The following PPP1R12B variants were observed in gnomAD, a reference collection of about 807,000 sequenced individuals.
PPP1R12B encodes the protein myosin phosphatase target subunit 2.
In PPP1R12B, 76 loss-of-function variants were observed where a neutral mutation model predicts 126.1. That is an observed-to-expected ratio of 0.60 (90% confidence interval 0.50 to 0.73). The LOEUF (loss-of-function observed/expected upper bound fraction) is 0.73, where lower values mean the gene tolerates loss of function less well. PPP1R12B is among the 30% of genes least tolerant of loss of function. The probability of loss-of-function intolerance (pLI) is 0.00; values close to 1 mark genes in which losing one functional copy is unlikely to be tolerated. For synonymous variants in PPP1R12B, 356 were observed against 434.7 expected (o/e 0.82, Z 2.25); for missense variants, 1,052 against 1,205.1 (o/e 0.87, Z 1.88).
intron 8 of PPP1R12B, 141 bp downstream of exon 8, chr1:202,431,760 C>T (rs1670215289): frequency 4.0e-6 from 3 of 743,434 alleles, no homozygotes; most frequent in Non-Finnish European, 4.4e-6. Flanking sequence ...ATCAAATTGC[C>T]AGTGACCACC....
intron 10 of PPP1R12B, chr1:202,439,024 C>G: frequency 7.2e-7 from 1 of 1,383,512 alleles, no homozygotes; most frequent in Non-Finnish European, 1.0e-6. Context: ...GCAGTGCCCA[C>G]TACCAGTGGG....
At chr1:202,486,675 C>T (rs1290205527) in intron 13 of PPP1R12B, among the ~76,000 whole-genome samples, 3 of 152,154 alleles carry the variant, frequency 2.0e-5, no homozygotes, top group East Asian at 3.9e-4. Context: ...GGCGTAGTGG[C>T]GTGCACCTGT....
At chr1:202,356,195 A>C (rs759057195) in intron 1 of PPP1R12B, among the ~76,000 whole-genome samples, 8 of 152,110 alleles carry the variant, frequency 5.3e-5, no homozygotes, top group Non-Finnish European at 1.2e-4. Context: ...CAAATAAATA[A>C]GTAAGTAAGT....
chr1:202,543,801 G>A (rs988344510), intron 18 of PPP1R12B, among the ~76,000 whole-genome samples: 11 of 152,028 alleles, frequency 7.2e-5, no homozygotes, highest in African/African-American at 2.7e-4. Flanking sequence ...CCATCCTTTT[G>A]GCATGCCCTC....
At chr1:202,407,029 CT>C (rs1268788621) in intron 1 of PPP1R12B, among the ~76,000 whole-genome samples, 1 of 152,134 alleles carries the variant, frequency 6.6e-6, no homozygotes, top group African/African-American at 2.4e-5. Flanking sequence ...GACTCATGAG[CT>C]TTGAGAAAAT....
intron 13 of PPP1R12B, among the ~76,000 whole-genome samples, chr1:202,449,593 A>G (rs1352202798): frequency 6.6e-6 from 1 of 150,826 alleles, no homozygotes; most frequent in Non-Finnish European, 1.5e-5. Context: ...ATATCTTTAT[A>G]TTATTGTTCT....
chr1:202,353,659 G>T (rs543563529), intron 1 of PPP1R12B, among the ~76,000 whole-genome samples: 1 of 147,332 alleles, frequency 6.8e-6, no homozygotes, highest in African/African-American at 2.5e-5. Flanking sequence ...ACCCAGACTG[G>T]AGTGTGGTGG....
intron 6 of PPP1R12B, among the ~76,000 whole-genome samples, chr1:202,430,198 C>T (rs540731450): frequency 6.6e-6 from 1 of 152,122 alleles, no homozygotes; most frequent in East Asian, 1.9e-4. Context: ...GGTTTTTGAA[C>T]ATCAATAGTA....
chr1:202,353,399 G>A (rs900939227), intron 1 of PPP1R12B, among the ~76,000 whole-genome samples: 2 of 151,962 alleles, frequency 1.3e-5, no homozygotes, highest in Non-Finnish European at 2.9e-5. Context: ...ATCTAGAATA[G>A]TCATCTATCC....
At chr1:202,519,287 CGGGG>C in intron 18 of PPP1R12B, among the ~76,000 whole-genome samples, 1 of 151,752 alleles carries the variant, frequency 6.6e-6, no homozygotes, top group East Asian at 1.9e-4. Flanking sequence ...TCTTTTGAGA[CGGGG>C]TCTCACTCTG....
intron 18 of PPP1R12B, among the ~76,000 whole-genome samples, chr1:202,552,774 T>C (rs192886294): frequency 6.6e-6 from 1 of 152,316 alleles, no homozygotes; most frequent in East Asian, 1.9e-4. Context: ...CAAAAGGAAC[T>C]TGAGTTAAAC....
At chr1:202,368,654 T>C (rs1659705149) in intron 1 of PPP1R12B, among the ~76,000 whole-genome samples, 1 of 152,112 alleles carries the variant, frequency 6.6e-6, no homozygotes, top group Non-Finnish European at 1.5e-5. Flanking sequence ...GGCTGTATTT[T>C]TCTTTTTTTT....
intron 1 of PPP1R12B, among the ~76,000 whole-genome samples, chr1:202,416,394 C>G (rs999423746): frequency 6.6e-6 from 1 of 151,896 alleles, no homozygotes; most frequent in Admixed American, 6.6e-5. Flanking sequence ...GGTGTGGTGG[C>G]ACATTCCTGT....
chr1:202,354,895 A>ATG, intron 1 of PPP1R12B, among the ~76,000 whole-genome samples: 1 of 145,534 alleles, frequency 6.9e-6, no homozygotes. Flanking sequence ...GTGTGATCTC[A>ATG]GCTCACTGCA....
chr1:202,505,782 C>G (rs149050027), intron 18 of PPP1R12B, among the ~76,000 whole-genome samples: 80 of 151,944 alleles, frequency 5.3e-4, no homozygotes, highest in African/African-American at 1.9e-3. Context: ...TTTAAGCAAG[C>G]CTCTGTTGCT....
rs1477505020 is a variant in PPP1R12B at position 202,377,845 on chromosome 1, T to G, written c.291+28703T>G. ...TCAAAGACAGGTGTTTTTTTTTTTT[T>G]TTTTTTTTTTTTTTGAGACGGAGTC... On this transcript the variant is annotated intron_variant, in intron 1 of 23. Coordinates refer to ENST00000608999, the MANE Select transcript of PPP1R12B (RefSeq NM_002481.4). Among the ~76,000 whole-genome samples, 4 of 139,480 alleles carry G rather than the reference T, an allele frequency of 2.9e-5. No individual in the cohort carries two copies. The East Asian group carries it at 8.2e-4, about 28-fold the overall frequency. The allele number at this position is 139,480 out of a possible 152,430, so 91.5% of individuals were successfully genotyped here.
In PPP1R12B at chr1:202,589,540, C is replaced by T. The variant is rs1690026612; in HGVS notation, c.*8980C>T. On this transcript the variant is annotated 3_prime_UTR_variant, in exon 24 of 24. Transcript: ENST00000608999. ...ACCGATGCAAAGGGTTCCTAGACTGCAAATGTCATTTCTCTTTCTGACCCC... is the reference window on the plus strand; with the variant it reads ...ACCGATGCAAAGGGTTCCTAGACTGTAAATGTCATTTCTCTTTCTGACCCC... The T allele has an allele frequency of 1.3e-5, 2 of 152,358 alleles. No individual in the cohort carries two copies. The highest frequency in any genetic ancestry group is 6.5e-5 in the Admixed American group (1 of 15,302). The allele number at this position is 152,358 out of a possible 1,614,324, so 9.4% of individuals were successfully genotyped here. A position where few individuals can be genotyped will look rare whatever the true frequency, so the allele number is the denominator to read the frequency against.
intron 19 of PPP1R12B, among the ~76,000 whole-genome samples, chr1:202,559,872 G>A (rs184535020): frequency 2.1e-3 from 313 of 152,192 alleles, no homozygotes; most frequent in Non-Finnish European, 3.3e-3. Context: ...GAACTCTCTC[G>A]TATTATAATA....
At chr1:202,387,320 A>T (rs1663316046) in intron 1 of PPP1R12B, among the ~76,000 whole-genome samples, 1 of 152,204 alleles carries the variant, frequency 6.6e-6, no homozygotes, top group Admixed American at 6.5e-5. Flanking sequence ...GGTTTCATTG[A>T]GTTCTAAAAT....
Sources: allele counts gnomAD v4.1 joint callset (sites outside exome capture counted in the v4.1 genomes callset), GRCh38; gene constraint gnomAD v4.1.1; transcripts MANE v1.5; gene names NCBI Gene and HGNC (gene_info 2026-07-23, HGNC 2026-07-21).